ABCC9: variants seen among roughly 807,000 people sequenced by gnomAD.
The protein encoded by ABCC9 is ATP-binding cassette sub-family C member 9.
ABCC9 carries 95 observed loss-of-function variants against 188.3 expected under a neutral mutation model. The ratio of observed to expected loss-of-function variants is 0.50; its 90% CI spans 0.43 to 0.60. The LOEUF (loss-of-function observed/expected upper bound fraction) is 0.60, where lower values mean the gene tolerates loss of function less well. Among genes scored for constraint, ABCC9 ranks in the 20% least tolerant of loss-of-function variants. ABCC9 has a pLI of 0.00. For synonymous variants in ABCC9, 659 were observed against 652.7 expected (o/e 1.01, Z -0.15); for missense variants, 1,102 against 1,876.3 (o/e 0.59, Z 7.62).
chr12:21,939,145 T>A (rs900096909), intron 2 of ABCC9, among the ~76,000 whole-genome samples: 1 of 152,188 alleles, frequency 6.6e-6, no homozygotes, highest in African/African-American at 2.4e-5. Context: ...AAGTGTAAAC[T>A]TCAAGTTGGT....
At position 21,838,168 on chromosome 12, in the gene ABCC9, TC is replaced by T. The variant is rs1351277876; in HGVS notation, c.3475del (p.Asp1159ThrfsTer43). 1 of 1,612,400 alleles carries T rather than the reference TC, an allele frequency of 6.2e-7. No homozygotes were observed. The highest frequency in any genetic ancestry group is 8.5e-7 in the Non-Finnish European group (1 of 1,178,520). On this transcript the variant is annotated frameshift_variant and splice_region_variant, in exon 30 of 40. Transcript: ENST00000261200. LOFTEE classifies it high-confidence loss of function. ...GGTACTATCGTCAAGTTCCTGGAGGTCCCTAGTAGAGAGAGGGGCAAAAATA... is the reference window on the plus strand; with the variant it reads ...GGTACTATCGTCAAGTTCCTGGAGGTCCTAGTAGAGAGAGGGGCAAAAATA... Reference protein sequence around the residue: ...IQKYFRVASKDLQELDDSTQL... With the variant: ...IQKYFRVASKXLQELDDSTQL...
At chr12:21,906,927 C>G (rs10743427) in intron 11 of ABCC9, among the ~76,000 whole-genome samples, 151,762 of 152,202 alleles carry the variant, frequency 1, 75,665 homozygotes, top group Middle Eastern at 1. Flanking sequence ...AGATACGAAA[C>G]CTTCATTTTA....
chr12:21,936,743 T>A, intron 2 of ABCC9, 49 bp from the exon 3 acceptor site: 1 of 1,395,452 alleles, frequency 7.2e-7, no homozygotes, highest in South Asian at 1.2e-5. Context: ...TAGTAAACTC[T>A]TGTTCATAAA....
chr12:21,866,816 A>G (rs1427143957), intron 18 of ABCC9, among the ~76,000 whole-genome samples: 1 of 152,222 alleles, frequency 6.6e-6, no homozygotes, highest in Non-Finnish European at 1.5e-5. Context: ...GTTGCAATGC[A>G]CAGAGTAAAA....
chr12:21,908,059 C>T lies in ABCC9; in HGVS notation c.1455+18G>A, dbSNP rs866865776. On this transcript the variant is annotated intron_variant, in intron 11 of 39. Coordinates refer to ENST00000261200, the MANE Select transcript of ABCC9 (RefSeq NM_020297.4). ...ATTTCTCATTTTTGTAATTAAGTTT[C>T]CAAAAGATGTTACTTACAAGTGTAC... is the stretch of plus-strand genomic sequence containing the variant. 1 of 1,610,862 alleles carries T rather than the reference C, an allele frequency of 6.2e-7. No individual in the cohort carries two copies. Among genetic ancestry groups the T allele is most frequent in the Non-Finnish European group, 8.5e-7 (1 of 1,177,838 alleles).
Position 21,798,504 on chromosome 12 carries a change from G to A in ABCC9, c.*2540C>T, listed in dbSNP as rs369176373. On this transcript the variant is annotated 3_prime_UTR_variant, in exon 40 of 40. Transcript: ENST00000261200. ...TCATGTCCTTCACCCACTTTTTGAT[G>A]GGGTTGTTTGTTTTTTTCTTGTAAA... 2.5e-3 allele frequency: 379 copies of A among 149,916 alleles called. 3 individuals carry two copies. The highest frequency in any genetic ancestry group is 8.7e-3 in the African/African-American group (350 of 40,352). 9.3% of individuals were successfully genotyped at this position (149,916 alleles called of 1,614,324 possible).
rs549402973 is a variant in ABCC9 at position 21,863,321 on chromosome 12, AAAC to A, written c.2238-270_2238-268del. Among the ~76,000 whole-genome samples, 872 of 24,632 alleles carry A rather than the reference AAAC, an allele frequency of 0.035. 2 individuals carry two copies. The highest frequency in any genetic ancestry group is 0.065 in the South Asian group (58 of 888). The allele number at this position is 24,632 out of a possible 152,430, so 16.2% of individuals were successfully genotyped here. A position where few individuals can be genotyped will look rare whatever the true frequency, so the allele number is the denominator to read the frequency against. On this transcript the variant is annotated intron_variant, in intron 19 of 39. Transcript: ENST00000261200. ...ACACTGAAGAAGTGTTTTATGGTCT[AAAC>A]AACTAATTGAAATTTCCTTTTCTAA... is the stretch of plus-strand genomic sequence containing the variant.
intron 14 of ABCC9, among the ~76,000 whole-genome samples, chr12:21,893,675 T>C (rs961997592): frequency 2.0e-5 from 3 of 152,062 alleles, no homozygotes; most frequent in East Asian, 1.9e-4. Context: ...AGGGAGAAAA[T>C]AGAAACATTC....
At chr12:21,936,512 A>G (rs1949492921) in intron 3 of ABCC9, 21 bp downstream of exon 3, 2 of 1,592,682 alleles carry the variant, frequency 1.3e-6, no homozygotes, top group South Asian at 1.1e-5. Flanking sequence ...ATGGTATAAC[A>G]TAAGATACTA....
intron 17 of ABCC9, among the ~76,000 whole-genome samples, chr12:21,874,790 G>C (rs1946257120): frequency 6.6e-6 from 1 of 152,134 alleles, no homozygotes; most frequent in African/African-American, 2.4e-5. Flanking sequence ...CTATTTCTAG[G>C]AGGTATCTAA....
chr12:21,846,873 A>G (rs1297875444), intron 25 of ABCC9, among the ~76,000 whole-genome samples: 2 of 152,074 alleles, frequency 1.3e-5, no homozygotes, highest in Non-Finnish European at 2.9e-5. Context: ...TCACATTCCT[A>G]GTACTTAATC....
chr12:21,873,219 TA>T (rs1283997895), intron 17 of ABCC9, among the ~76,000 whole-genome samples: 3 of 151,978 alleles, frequency 2.0e-5, no homozygotes, highest in Non-Finnish European at 4.4e-5. Flanking sequence ...AAAATATTTC[TA>T]TTCAATTATA....
chr12:21,845,842 A>C lies in ABCC9; in HGVS notation c.2867-10T>G. On this transcript the variant is annotated splice_polypyrimidine_tract_variant and intron_variant, in intron 25 of 39. Transcript: ENST00000261200. ...TCCTCCTCTTCTTCCTCTACATACA[A>C]AAAACTTTTGTTTAAGCTTCAGATG... 6.2e-7 allele frequency: 1 copy of C among 1,610,820 alleles called. No individual in the cohort carries two copies. The highest frequency in any genetic ancestry group is 1.1e-5 in the South Asian group (1 of 90,968).
chr12:21,881,043 C>T (rs149988858), intron 16 of ABCC9, among the ~76,000 whole-genome samples: 12 of 152,194 alleles, frequency 7.9e-5, no homozygotes, highest in African/African-American at 2.9e-4. Flanking sequence ...AAGCAACACA[C>T]ACACACACAT....
chr12:21,818,276 TA>T (rs1565696227), intron 31 of ABCC9, 25 bp from the exon 32 acceptor site: 37 of 1,595,052 alleles, frequency 2.3e-5, no homozygotes, highest in Non-Finnish European at 3.2e-5. Context: ...GAGAAAATGT[TA>T]AAAGGTTACT....
intron 12 of ABCC9, among the ~76,000 whole-genome samples, chr12:21,900,095 C>T (rs1947648441): frequency 6.6e-6 from 1 of 152,176 alleles, no homozygotes; most frequent in African/African-American, 2.4e-5. Context: ...CGGCCGGGTA[C>T]CCCTCTGAGA....
intron 20 of ABCC9, 48 bp from the exon 21 acceptor site, chr12:21,861,103 T>C (rs1312893178): frequency 4.1e-6 from 6 of 1,461,958 alleles, no homozygotes; most frequent in Non-Finnish European, 4.8e-6. Context: ...TAATACATTG[T>C]CCATAAACTA....
intron 14 of ABCC9, 121 bp downstream of exon 14, chr12:21,893,911 A>C (rs1040705662): frequency 4.2e-5 from 43 of 1,030,394 alleles, no homozygotes; most frequent in Non-Finnish European, 6.0e-5. Flanking sequence ...CACAATTTTA[A>C]CAATGGTTGT....
Position 21,863,008 on chromosome 12 carries a change from A to G in ABCC9, c.2284T>C (p.Leu762=). 6.2e-7 allele frequency: 1 copy of G among 1,613,282 alleles called. No individual in the cohort carries two copies. The highest frequency in any genetic ancestry group is 8.5e-7 in the Non-Finnish European group (1 of 1,179,478). Reference sequence around the variant, plus strand: ...ATATTTTCTTCTACTGTAGCATTTAATAGCCAAGGCTTTTGAGCTGCATAT... The same window carrying G: ...ATATTTTCTTCTACTGTAGCATTTAGTAGCCAAGGCTTTTGAGCTGCATAT... ...VAYAAQKPWL[L]NATVEENITF... The change falls in exon 20 of 40, where the codon TTA becomes CTA. Residue 762 remains leucine, a synonymous_variant. Transcript: ENST00000261200.
Sources: allele counts gnomAD v4.1 joint callset (sites outside exome capture counted in the v4.1 genomes callset), GRCh38; gene constraint gnomAD v4.1.1; transcripts MANE v1.5; gene names NCBI Gene and HGNC (gene_info 2026-07-23, HGNC 2026-07-21).